The following MAPRE2 variants were observed in gnomAD, a reference collection of about 807,000 sequenced individuals.
The protein encoded by MAPRE2 is microtubule-associated protein RP/EB family member 2.
In MAPRE2, 13 loss-of-function variants were observed where a neutral mutation model predicts 43.2. The ratio of observed to expected loss-of-function variants is 0.30; its 90% CI spans 0.20 to 0.48. The LOEUF (loss-of-function observed/expected upper bound fraction) is 0.48. MAPRE2 is among the 20% of genes least tolerant of loss of function. The pLI, the probability that MAPRE2 is intolerant of heterozygous loss-of-function variation, is 0.99. For synonymous variants in MAPRE2, 135 were observed against 148.8 expected, an observed-to-expected ratio of 0.91 and a Z score of 0.68; for missense variants, 161 against 400.2, an observed-to-expected ratio of 0.40 and a Z score of 5.10.
At chr18:34,994,582 C>G (rs1033964366) in intron 1 of MAPRE2, among the ~76,000 whole-genome samples, 28 of 151,990 alleles carry the variant, frequency 1.8e-4, no homozygotes, top group African/African-American at 6.5e-4. Flanking sequence ...CCACATGATC[C>G]CTGAAGATAG....
intron 2 of MAPRE2, among the ~76,000 whole-genome samples, chr18:35,086,953 T>G (rs1322825221): frequency 6.6e-6 from 1 of 152,216 alleles, no homozygotes; most frequent in East Asian, 1.9e-4. Flanking sequence ...TCCTTTTATC[T>G]GAAAATTTCC....
At chr18:35,091,285 A>T (rs1473505117) in intron 2 of MAPRE2, among the ~76,000 whole-genome samples, 1 of 152,230 alleles carries the variant, frequency 6.6e-6, no homozygotes, top group Admixed American at 6.5e-5. Flanking sequence ...CAAAATTATT[A>T]AAAATACTGT....
intron 2 of MAPRE2, among the ~76,000 whole-genome samples, chr18:35,077,882 A>C (rs1907446710): frequency 1.3e-5 from 2 of 152,256 alleles, no homozygotes; most frequent in Non-Finnish European, 2.9e-5. Context: ...TATCTTAACA[A>C]GAAAAAGATT....
intron 3 of MAPRE2, 140 bp from the exon 4 acceptor site, chr18:35,101,806 G>A (rs780375093): frequency 2.9e-5 from 18 of 621,434 alleles, no homozygotes; most frequent in Admixed American, 6.4e-5. Flanking sequence ...CACTTAGGTT[G>A]CTTCCAAATC....
chr18:35,040,868 AGGTTTTTAGCTTTTTGGCTTGTTTTTGG>A (rs1461959965), upstream of MAPRE2, among the ~76,000 whole-genome samples: 2 of 152,200 alleles, frequency 1.3e-5, no homozygotes, highest in African/African-American at 4.8e-5. Context: ...GCTTCCTTGT[AGGTTTTTAGCTTTTTGGCTTGTTTTTGG>A]GGAGATGGTT....
intron 6 of MAPRE2, among the ~76,000 whole-genome samples, chr18:35,133,944 A>G (rs1910276958): frequency 6.6e-6 from 1 of 152,188 alleles, no homozygotes; most frequent in African/African-American, 2.4e-5. Context: ...CACCATCTGG[A>G]TTCAGAGAGC....
intron 3 of MAPRE2, among the ~76,000 whole-genome samples, chr18:35,099,139 A>G (rs1908557878): frequency 6.6e-6 from 1 of 152,188 alleles, no homozygotes; most frequent in Non-Finnish European, 1.5e-5. Flanking sequence ...CTAATGTACC[A>G]CCAGTGTCTA....
At chr18:35,130,451 T>C (rs1410316757) in intron 5 of MAPRE2, among the ~76,000 whole-genome samples, 1 of 152,066 alleles carries the variant, frequency 6.6e-6, no homozygotes, top group Non-Finnish European at 1.5e-5. Flanking sequence ...ATCTACAGGA[T>C]GGATATGGTT....
chr18:35,113,858 C>T (rs902791494), intron 4 of MAPRE2, among the ~76,000 whole-genome samples: 1 of 152,192 alleles, frequency 6.6e-6, no homozygotes, highest in Non-Finnish European at 1.5e-5. Context: ...TGCCACTACA[C>T]TCCAACCTGG....
At chr18:35,101,169 A>G (rs1173221372) in intron 3 of MAPRE2, among the ~76,000 whole-genome samples, 1 of 152,362 alleles carries the variant, frequency 6.6e-6, no homozygotes, top group East Asian at 1.9e-4. Flanking sequence ...CTTGACAACT[A>G]AGGATATTCC....
chr18:35,011,026 A>G (rs538953987), intron 2 of MAPRE2, among the ~76,000 whole-genome samples: 20 of 152,304 alleles, frequency 1.3e-4, no homozygotes, highest in African/African-American at 4.6e-4. Context: ...AGCTTCTACC[A>G]TGGCTCCATC....
intron 2 of MAPRE2, among the ~76,000 whole-genome samples, chr18:35,025,142 T>C (rs1302752269): frequency 6.6e-6 from 1 of 152,234 alleles, no homozygotes; most frequent in African/African-American, 2.4e-5. Flanking sequence ...GTGAAGTTTC[T>C]TGGCTCTGCT....
At chr18:35,039,947 C>T (rs985126682), upstream of MAPRE2, among the ~76,000 whole-genome samples, 8 of 152,334 alleles carry the variant, frequency 5.3e-5, no homozygotes, top group East Asian at 1.4e-3. Context: ...CGTGGTGGCT[C>T]ATGCCTGTAA....
At chr18:35,133,669 G>A (rs956068458) in intron 6 of MAPRE2, among the ~76,000 whole-genome samples, 1 of 152,222 alleles carries the variant, frequency 6.6e-6, no homozygotes, top group Non-Finnish European at 1.5e-5. Context: ...TTCAAACGGG[G>A]AAACCCTGAG....
At chr18:35,025,764 A>C (rs2097044781) in intron 2 of MAPRE2, among the ~76,000 whole-genome samples, 1 of 152,336 alleles carries the variant, frequency 6.6e-6, no homozygotes, top group Non-Finnish European at 1.5e-5. Context: ...AATCAGATGT[A>C]GTAATAGATT....
At chr18:35,078,893 T>C (rs980399388) in intron 2 of MAPRE2, among the ~76,000 whole-genome samples, 15 of 152,198 alleles carry the variant, frequency 9.9e-5, no homozygotes, top group African/African-American at 3.6e-4. Context: ...GCTCCTAGTC[T>C]TATGAAGTTC....
chr18:35,103,097 T>G (rs1055295354), intron 4 of MAPRE2, among the ~76,000 whole-genome samples: 1 of 152,236 alleles, frequency 6.6e-6, no homozygotes, highest in Non-Finnish European at 1.5e-5. Context: ...TATTTCTGGA[T>G]TTATGGCTGT....
intron 2 of MAPRE2, among the ~76,000 whole-genome samples, chr18:35,084,465 A>G (rs975721906): frequency 2.6e-5 from 4 of 152,242 alleles, no homozygotes; most frequent in Non-Finnish European, 5.9e-5. Context: ...TAAAAGACCA[A>G]TCACATGATT....
intron 1 of MAPRE2, among the ~76,000 whole-genome samples, chr18:35,044,865 A>C (rs16966355): frequency 0.063 from 9,601 of 152,236 alleles, 897 homozygotes; most frequent in African/African-American, 0.2. Context: ...AAGTATGTCA[A>C]ATTTGGTTCC....
Sources: allele counts gnomAD v4.1 joint callset (sites outside exome capture counted in the v4.1 genomes callset), GRCh38; gene constraint gnomAD v4.1.1; transcripts MANE v1.5; gene names NCBI Gene and HGNC (gene_info 2026-07-23, HGNC 2026-07-21).